The following HDAC8 variants were observed in gnomAD, a reference collection of about 807,000 sequenced individuals.
HDAC8 encodes the protein histone deacetylase 8, also known as histone deacetylase-like 1.
Under a neutral mutation model 32.2 loss-of-function variants are expected in HDAC8, and 1 was observed. The ratio of observed to expected loss-of-function variants is 0.03; its 90% confidence interval spans 0.01 to 0.15. HDAC8 has a LOEUF of 0.15. HDAC8 is among the 10% of genes least tolerant of loss of function. The pLI is 1.00. For synonymous variants in HDAC8, 108 were observed against 113.9 expected, an observed-to-expected ratio of 0.95 and a Z score of 0.33; for missense variants, 117 against 300.0, an observed-to-expected ratio of 0.39 and a Z score of 4.51.
chrX:72,388,654 G>T (rs868953712), intron 9 of HDAC8, among the ~76,000 whole-genome samples: 1 of 108,769 alleles, frequency 9.2e-6, no homozygotes, highest in Non-Finnish European at 1.9e-5. Context: ...GGAATGAATT[G>T]TGTGTCTTCC....
chrX:72,389,953 T>G (rs138654813), intron 9 of HDAC8, among the ~76,000 whole-genome samples: 1 of 112,010 alleles, frequency 8.9e-6, no homozygotes, highest in African/African-American at 3.2e-5. Flanking sequence ...CCTTATTTTT[T>G]ATTATTTTTT....
intron 10 of HDAC8, among the ~76,000 whole-genome samples, chrX:72,350,990 T>G (rs1238103401): frequency 8.9e-6 from 1 of 112,508 alleles, no homozygotes; most frequent in African/African-American, 3.2e-5. Flanking sequence ...AATCCCTGAC[T>G]ACTCATTGTA....
chrX:72,356,416 C>T (rs1450674563), intron 9 of HDAC8, among the ~76,000 whole-genome samples: 1 of 111,750 alleles, frequency 8.9e-6, no homozygotes, highest in Non-Finnish European at 1.9e-5. Context: ...TCATGATGGG[C>T]CCTGCTAAGG....
chrX:72,354,497 C>A (rs782320821), intron 9 of HDAC8, among the ~76,000 whole-genome samples: 2 of 112,457 alleles, frequency 1.8e-5, no homozygotes, highest in East Asian at 5.6e-4. Context: ...AAGGGTTTAG[C>A]TAGCCATATA....
intron 9 of HDAC8, among the ~76,000 whole-genome samples, chrX:72,441,911 G>A (rs1341834476): frequency 6.3e-5 from 7 of 111,801 alleles, no homozygotes; most frequent in Non-Finnish European, 9.4e-5. Context: ...GAGCCGATGC[G>A]ATCAACTGGA....
chrX:72,411,312 C>T (rs916980962), intron 9 of HDAC8, among the ~76,000 whole-genome samples: 7 of 111,167 alleles, frequency 6.3e-5, no homozygotes, highest in Admixed American at 2.9e-4. Context: ...GCATGAGCCA[C>T]CGCTCCCGGC....
intron 9 of HDAC8, among the ~76,000 whole-genome samples, chrX:72,424,961 G>C (rs2046594546): frequency 8.9e-6 from 1 of 112,104 alleles, no homozygotes; most frequent in Non-Finnish European, 1.9e-5. Context: ...TTCATCTGTT[G>C]ATGGTTATTT....
chrX:72,402,531 C>T (rs1333985829), intron 9 of HDAC8, among the ~76,000 whole-genome samples: 1 of 108,075 alleles, frequency 9.3e-6, no homozygotes, highest in Non-Finnish European at 1.9e-5. Context: ...TTAGCTGCTT[C>T]TTGGTATGCT....
At chrX:72,477,706 A>G (rs1556001267) in intron 7 of HDAC8, among the ~76,000 whole-genome samples, 1 of 112,778 alleles carries the variant, frequency 8.9e-6, no homozygotes, top group Non-Finnish European at 1.9e-5. Flanking sequence ...TTAAAAAGAA[A>G]TGCATTTTTA....
chrX:72,352,407 G>T (rs1438311685), intron 9 of HDAC8, among the ~76,000 whole-genome samples: 1 of 111,556 alleles, frequency 9.0e-6, no homozygotes, highest in Non-Finnish European at 1.9e-5. Context: ...AGGTCATTGT[G>T]CTTGTTGCAG....
chrX:72,476,139 A>T (rs782519785), intron 7 of HDAC8, among the ~76,000 whole-genome samples: 1 of 111,456 alleles, frequency 9.0e-6, no homozygotes, highest in East Asian at 2.8e-4. Context: ...CCAGAATTAA[A>T]GTCATCCAGT....
intron 9 of HDAC8, among the ~76,000 whole-genome samples, chrX:72,447,406 C>T (rs1461237742): frequency 1.8e-5 from 2 of 111,952 alleles, no homozygotes; most frequent in Non-Finnish European, 1.9e-5. Flanking sequence ...GCTAAGAACT[C>T]TCGATAAACT....
At chrX:72,442,632 G>A (rs1455006823) in intron 9 of HDAC8, among the ~76,000 whole-genome samples, 2 of 111,477 alleles carry the variant, frequency 1.8e-5, no homozygotes, top group Non-Finnish European at 3.8e-5. Flanking sequence ...ATCAACTAAC[G>A]AGCAAAATAA....
intron 9 of HDAC8, among the ~76,000 whole-genome samples, chrX:72,408,685 C>T (rs1364394492): frequency 2.7e-5 from 3 of 112,032 alleles, no homozygotes; most frequent in African/African-American, 6.5e-5. Context: ...AGATTACAGG[C>T]GTGAGCCACT....
intron 10 of HDAC8, among the ~76,000 whole-genome samples, chrX:72,335,493 A>T (rs2043655841): frequency 8.9e-6 from 1 of 111,910 alleles, no homozygotes; most frequent in African/African-American, 3.3e-5. Flanking sequence ...TTGATAGCTC[A>T]TTTTTTCTTA....
chrX:72,488,868 G>T, intron 7 of HDAC8, 65 bp downstream of exon 7: 1 of 644,956 alleles, frequency 1.6e-6, no homozygotes, highest in South Asian at 3.3e-5. Flanking sequence ...TACATTGTGA[G>T]ATGGGGGCCA....
chrX:72,334,760 A>G (rs2043632308), intron 10 of HDAC8, among the ~76,000 whole-genome samples: 1 of 111,739 alleles, frequency 8.9e-6, no homozygotes, highest in African/African-American at 3.3e-5. Context: ...TATCTCTGAA[A>G]CAGTCTTGAT....
chrX:72,563,655 G>A lies in HDAC8; in HGVS notation c.437+4234C>T, dbSNP rs782518821. Among the ~76,000 whole-genome samples the A allele has an allele frequency of 1.1e-4, 12 of 111,788 alleles. No homozygotes were observed. The South Asian group carries it at 4.5e-3, about 42-fold the overall frequency. The stretch of plus-strand genomic sequence containing the variant: ...AGATTCACCATTCCTTTATTGCTAG[G>A]CATTCATGTTATTTTAGTTTTTAAA... On this transcript the variant is annotated intron_variant, in intron 4 of 10. Coordinates refer to ENST00000373573, the MANE Select transcript of HDAC8 (RefSeq NM_018486.3).
chrX:72,559,678 C>T (rs1471300430), intron 4 of HDAC8, among the ~76,000 whole-genome samples: 3 of 107,181 alleles, frequency 2.8e-5, no homozygotes, highest in Admixed American at 9.7e-5. Flanking sequence ...ACCTCTGCCC[C>T]GCCACCCCGT....
Sources: gnomAD v4.1 joint callset for allele counts (sites outside exome capture counted in the v4.1 genomes callset) on GRCh38, gnomAD v4.1.1 for gene constraint, MANE v1.5 for transcripts, NCBI Gene and HGNC (gene_info 2026-07-23, HGNC 2026-07-21) for gene names.